The following CNTNAP2 variants were observed in gnomAD, a reference collection of about 807,000 sequenced individuals.
CNTNAP2 encodes the protein contactin associated protein 2, also known as contactin-associated protein-like 2.
A neutral mutation model predicts 155.2 loss-of-function variants in CNTNAP2; 98 were observed. The observed-to-expected ratio is 0.63, with a 90% confidence interval of 0.54 to 0.75. The LOEUF (loss-of-function observed/expected upper bound fraction) is 0.75, where lower values mean the gene tolerates loss of function less well. Ranked by LOEUF, CNTNAP2 falls within the 30% of genes least tolerant of loss-of-function variation. CNTNAP2 has a pLI of 0.00. For synonymous variants in CNTNAP2, 651 were observed against 631.2 expected (o/e 1.03, Z -0.47); for missense variants, 1,727 against 1,688.1 (o/e 1.02, Z -0.40).
At chr7:146,661,699 G>A (rs1800091119) in intron 1 of CNTNAP2, among the ~76,000 whole-genome samples, 1 of 149,630 alleles carries the variant, frequency 6.7e-6, no homozygotes, top group South Asian at 2.1e-4. Flanking sequence ...GATGAACATT[G>A]GAGAGTTTTT....
At chr7:148,353,148 C>T (rs1036224395) in intron 21 of CNTNAP2, among the ~76,000 whole-genome samples, 2 of 152,190 alleles carry the variant, frequency 1.3e-5, no homozygotes, top group Non-Finnish European at 2.9e-5. Flanking sequence ...GGCGGGGCCC[C>T]GGCAATTGTT....
At chr7:146,695,573 A>G (rs995278659) in intron 1 of CNTNAP2, among the ~76,000 whole-genome samples, 3 of 151,668 alleles carry the variant, frequency 2.0e-5, no homozygotes, top group East Asian at 3.9e-4. Context: ...ACCATGCCCA[A>G]CTATTTGTTT....
intron 10 of CNTNAP2, among the ~76,000 whole-genome samples, chr7:147,445,742 A>G (rs770616843): frequency 1.3e-5 from 2 of 152,136 alleles, no homozygotes; most frequent in South Asian, 2.1e-4. Flanking sequence ...GAGAAGCTGC[A>G]TTAGTCTATC....
chr7:146,735,348 C>T (rs1251406446), intron 1 of CNTNAP2, among the ~76,000 whole-genome samples: 1 of 152,080 alleles, frequency 6.6e-6, no homozygotes, highest in African/African-American at 2.4e-5. Flanking sequence ...GTCAGGAGAT[C>T]GAGACCATCC....
intron 8 of CNTNAP2, among the ~76,000 whole-genome samples, chr7:147,290,864 G>T (rs181299734): frequency 2.3e-3 from 349 of 152,226 alleles, no homozygotes; most frequent in African/African-American, 8.1e-3. Flanking sequence ...ATGACCATGG[G>T]TATTGATTTT....
intron 1 of CNTNAP2, among the ~76,000 whole-genome samples, chr7:146,405,515 A>G (rs905282191): frequency 3.9e-5 from 6 of 152,216 alleles, no homozygotes; most frequent in Non-Finnish European, 7.4e-5. Flanking sequence ...TGAGATATAT[A>G]AGGGCCATTG....
At chr7:146,230,657 A>G (rs748992127) in intron 1 of CNTNAP2, among the ~76,000 whole-genome samples, 1 of 152,160 alleles carries the variant, frequency 6.6e-6, no homozygotes, top group Non-Finnish European at 1.5e-5. Context: ...TTTGTTATCT[A>G]TAGAAATAGA....
intron 13 of CNTNAP2, among the ~76,000 whole-genome samples, chr7:147,663,276 G>A (rs1198425257): frequency 7.2e-5 from 11 of 152,236 alleles, no homozygotes; most frequent in Admixed American, 2.6e-4. Flanking sequence ...GATTACAGGC[G>A]TAAGCCACCG....
chr7:148,182,641 C>T (rs941537161), intron 18 of CNTNAP2, among the ~76,000 whole-genome samples: 1 of 152,160 alleles, frequency 6.6e-6, no homozygotes, highest in Non-Finnish European at 1.5e-5. Flanking sequence ...ATATTTTTAC[C>T]TCTATTAATT....
At chr7:146,928,396 T>C (rs893041447) in intron 3 of CNTNAP2, among the ~76,000 whole-genome samples, 1 of 152,174 alleles carries the variant, frequency 6.6e-6, no homozygotes, top group Admixed American at 6.5e-5. Context: ...TCGTTCTGGG[T>C]GATGTGTTCA....
chr7:146,318,873 T>G, intron 1 of CNTNAP2, among the ~76,000 whole-genome samples: 1 of 152,302 alleles, frequency 6.6e-6, no homozygotes, highest in Middle Eastern at 3.4e-3. Flanking sequence ...AGTAATGCAA[T>G]ACATAATATG....
At chr7:146,648,132 T>C (rs1423412806) in intron 1 of CNTNAP2, among the ~76,000 whole-genome samples, 1 of 152,174 alleles carries the variant, frequency 6.6e-6, no homozygotes, top group Non-Finnish European at 1.5e-5. Context: ...CTTTTGTATT[T>C]CTCTACTTCA....
intron 20 of CNTNAP2, among the ~76,000 whole-genome samples, chr7:148,248,080 G>A (rs970278408): frequency 6.6e-6 from 1 of 151,986 alleles, no homozygotes; most frequent in Non-Finnish European, 1.5e-5. Context: ...CTCAAAATTT[G>A]GAATATTTCT....
At chr7:148,153,020 CAAAAAAAAAAAAAAAA>C (rs373499312) in intron 17 of CNTNAP2, among the ~76,000 whole-genome samples, 1 of 22,664 alleles carries the variant, frequency 4.4e-5, no homozygotes, top group African/African-American at 1.7e-4. Context: ...GACTCCGTCT[CAAAAAAAAAAAAAAAA>C]AAAAAAAAAA....
rs186388931 is a variant in CNTNAP2 at position 147,771,735 on chromosome 7, A to G, written c.2099-131830A>G. On this transcript the variant is annotated intron_variant, in intron 13 of 23. Coordinates refer to ENST00000361727, the MANE Select transcript of CNTNAP2 (RefSeq NM_014141.6). ...AGTTGTCTGGCTCAAACTTCAAGTC[A>G]GATGCGGTCTTAACCCTTTTTTTTT... Among the ~76,000 whole-genome samples the G allele has an allele frequency of 5.3e-5, 8 of 152,326 alleles. 1 individual carries two copies. Among genetic ancestry groups the G allele is most frequent in the Admixed American group, 5.2e-4 (8 of 15,298 alleles).
At chr7:146,488,823 G>T (rs1224460302) in intron 1 of CNTNAP2, among the ~76,000 whole-genome samples, 1 of 152,114 alleles carries the variant, frequency 6.6e-6, no homozygotes, top group South Asian at 2.1e-4. Context: ...GTTTCTCCAC[G>T]TTGCCCAGGC....
chr7:148,083,013 C>A (rs1374971750), intron 15 of CNTNAP2, among the ~76,000 whole-genome samples: 1 of 151,930 alleles, frequency 6.6e-6, no homozygotes. Flanking sequence ...GTAGAGAATG[C>A]ACTTCATTAG....
intron 2 of CNTNAP2, among the ~76,000 whole-genome samples, chr7:146,810,376 T>C (rs1412596117): frequency 6.6e-6 from 1 of 151,808 alleles, no homozygotes; most frequent in Non-Finnish European, 1.5e-5. Flanking sequence ...CTGTACCTTA[T>C]AGTTTTTAGT....
At chr7:146,747,708 G>A (rs753075959) in intron 1 of CNTNAP2, among the ~76,000 whole-genome samples, 17 of 152,190 alleles carry the variant, frequency 1.1e-4, no homozygotes, top group Non-Finnish European at 1.5e-4. Context: ...TGTGTGTTAT[G>A]TAAGTGTGAG....
Sources: gnomAD v4.1 joint callset for allele counts (sites outside exome capture counted in the v4.1 genomes callset) on GRCh38, gnomAD v4.1.1 for gene constraint, MANE v1.5 for transcripts, NCBI Gene and HGNC (gene_info 2026-07-23, HGNC 2026-07-21) for gene names.